RBPMS: variants seen among roughly 807,000 people sequenced by gnomAD.
RBPMS encodes RNA binding protein, mRNA processing factor.
Under a neutral mutation model 26.8 loss-of-function variants are expected in RBPMS, and 7 were observed. The observed-to-expected ratio is 0.26, with a 90% CI of 0.15 to 0.49. The LOEUF (loss-of-function observed/expected upper bound fraction) is 0.49. Among genes scored for constraint, RBPMS ranks in the 20% least tolerant of loss-of-function variants. The pLI is 0.98. For missense variants in RBPMS, 186 were observed against 250.0 expected (o/e 0.74, Z 1.73); for synonymous variants, 96 against 93.3 (o/e 1.03, Z -0.17).
intron 6 of RBPMS, chr8:30,555,815 A>C: frequency 1.1e-6 from 1 of 942,794 alleles, no homozygotes; most frequent in African/African-American, 1.8e-5. Flanking sequence ...ACCTGGGGCC[A>C]AAAGCCCAGC....
intron 6 of RBPMS, among the ~76,000 whole-genome samples, chr8:30,551,389 A>G (rs1826365004): frequency 2.0e-5 from 3 of 152,202 alleles, no homozygotes; most frequent in Admixed American, 2.0e-4. Context: ...GGCTTTGGCC[A>G]GGGTCACTCA....
chr8:30,476,319 G>A (rs575315258), intron 2 of RBPMS, among the ~76,000 whole-genome samples: 42 of 152,292 alleles, frequency 2.8e-4, no homozygotes, highest in Admixed American at 5.2e-4. Context: ...ATGTTATACT[G>A]CTTTTCTGTT....
intron 7 of RBPMS, among the ~76,000 whole-genome samples, chr8:30,563,289 T>G (rs1827643192): frequency 6.6e-6 from 1 of 152,256 alleles, no homozygotes; most frequent in East Asian, 1.9e-4. Flanking sequence ...GCCAGAGTTT[T>G]GCTGATGGTT....
At position 30,556,065 on chromosome 8, in the gene RBPMS, G is replaced by A. The variant is rs1319240335; in HGVS notation, c.529-2822G>A. 12 of 981,108 alleles carry A rather than the reference G, an allele frequency of 1.2e-5. No individual in the cohort carries two copies. The South Asian group carries it at 4.2e-4, about 35-fold the overall frequency. 60.8% of individuals were successfully genotyped at this position (981,108 alleles called of 1,614,324 possible). Reference sequence around the variant, plus strand: ...CGCAGCGGAGCCTCTCAGGCTGGAAGAGGAGGCAGCCGTGGGTGTCTGTGG... The same window carrying A: ...CGCAGCGGAGCCTCTCAGGCTGGAAAAGGAGGCAGCCGTGGGTGTCTGTGG... On this transcript the variant is annotated intron_variant, in intron 6 of 8. Coordinates refer to ENST00000397323, the MANE Select transcript of RBPMS (RefSeq NM_001008710.3).
At chr8:30,551,378 T>C (rs958412542) in intron 6 of RBPMS, among the ~76,000 whole-genome samples, 3 of 152,204 alleles carry the variant, frequency 2.0e-5, no homozygotes, top group African/African-American at 7.2e-5. Context: ...TATGGCTGTG[T>C]GGCTTTGGCC....
intron 5 of RBPMS, among the ~76,000 whole-genome samples, chr8:30,518,772 A>T (rs1297719545): frequency 7.2e-6 from 1 of 139,754 alleles, no homozygotes; most frequent in Admixed American, 7.7e-5. Context: ...CACATGCCAA[A>T]TACAGGCACA....
intron 1 of RBPMS, among the ~76,000 whole-genome samples, chr8:30,427,826 C>G (rs1227281283): frequency 6.6e-6 from 1 of 152,042 alleles, no homozygotes; most frequent in Non-Finnish European, 1.5e-5. Flanking sequence ...TCTGTTTCCT[C>G]AGGTGTAGGC....
chr8:30,488,032 C>A (rs1040451891), intron 4 of RBPMS, among the ~76,000 whole-genome samples: 1 of 151,986 alleles, frequency 6.6e-6, no homozygotes, highest in South Asian at 2.1e-4. Flanking sequence ...CCCAGAAAAG[C>A]AGTTGGGTAG....
At chr8:30,569,693 G>A (rs564207281) in intron 8 of RBPMS, among the ~76,000 whole-genome samples, 1 of 151,790 alleles carries the variant, frequency 6.6e-6, no homozygotes, top group African/African-American at 2.4e-5. Flanking sequence ...TGCACAGGTG[G>A]CCCTAAGATG....
chr8:30,519,109 C>G (rs1045188219), intron 5 of RBPMS, among the ~76,000 whole-genome samples: 1 of 152,102 alleles, frequency 6.6e-6, no homozygotes, highest in Non-Finnish European at 1.5e-5. Context: ...ATCTTCTTGG[C>G]AGGTTTACAA....
chr8:30,539,061 A>C (rs1303567564), intron 5 of RBPMS, among the ~76,000 whole-genome samples: 1 of 152,198 alleles, frequency 6.6e-6, no homozygotes, highest in Non-Finnish European at 1.5e-5. Context: ...TGGATCAGCT[A>C]CTTGCTGAGG....
At chr8:30,551,614 T>C (rs972310579) in intron 6 of RBPMS, among the ~76,000 whole-genome samples, 5 of 152,148 alleles carry the variant, frequency 3.3e-5, no homozygotes, top group African/African-American at 1.2e-4. Flanking sequence ...CTGTCCTTAA[T>C]AGTAGTAAGA....
intron 1 of RBPMS, among the ~76,000 whole-genome samples, chr8:30,450,674 G>A (rs561564609): frequency 2.6e-5 from 4 of 151,314 alleles, no homozygotes; most frequent in Non-Finnish European, 4.4e-5. Context: ...CCAGAGAGCT[G>A]CATGGCTGTG....
chr8:30,554,634 G>C (rs1826694702), intron 6 of RBPMS, among the ~76,000 whole-genome samples: 1 of 152,094 alleles, frequency 6.6e-6, no homozygotes, highest in African/African-American at 2.4e-5. Flanking sequence ...TCACCTGGGG[G>C]GCTGGTTACA....
At chr8:30,525,157 T>C (rs1325432921) in intron 5 of RBPMS, among the ~76,000 whole-genome samples, 1 of 152,198 alleles carries the variant, frequency 6.6e-6, no homozygotes, top group East Asian at 1.9e-4. Context: ...TAATTTTTAG[T>C]AGAAGTTAAA....
chr8:30,424,894 C>T (rs1051471552), intron 1 of RBPMS, among the ~76,000 whole-genome samples: 21 of 151,992 alleles, frequency 1.4e-4, no homozygotes, highest in Middle Eastern at 3.2e-3. Context: ...GGTACACGCG[C>T]GCACACACAC....
chr8:30,444,875 C>T (rs1400522277), intron 1 of RBPMS: 1 of 152,250 alleles, frequency 6.6e-6, no homozygotes, highest in Non-Finnish European at 1.5e-5. Flanking sequence ...TACTCTTAAG[C>T]ACACGGTAAG....
At chr8:30,419,917 T>C (rs529207320) in intron 1 of RBPMS, among the ~76,000 whole-genome samples, 14 of 152,292 alleles carry the variant, frequency 9.2e-5, no homozygotes, top group Admixed American at 8.5e-4. Context: ...AATACTGCAT[T>C]CTGAAGGACA....
intron 8 of RBPMS, among the ~76,000 whole-genome samples, chr8:30,567,344 C>T (rs1279156399): frequency 6.6e-6 from 1 of 152,200 alleles, no homozygotes; most frequent in African/African-American, 2.4e-5. Flanking sequence ...CCTCCCACCA[C>T]CCCAGAGAGC....
Sources: gnomAD v4.1 joint callset for allele counts (sites outside exome capture counted in the v4.1 genomes callset) on GRCh38, gnomAD v4.1.1 for gene constraint, MANE v1.5 for transcripts, NCBI Gene and HGNC (gene_info 2026-07-23, HGNC 2026-07-21) for gene names.